Variants in BRWD1 observed in about 807,000 individuals in gnomAD.
The protein encoded by BRWD1 is bromodomain and WD repeat-containing protein 1.
A neutral mutation model predicts 251.2 loss-of-function variants in BRWD1; 82 were observed. That is an observed-to-expected ratio of 0.33 (90% CI 0.27 to 0.39). The LOEUF (loss-of-function observed/expected upper bound fraction) is 0.39, where lower values mean the gene tolerates loss of function less well. BRWD1 is among the 10% of genes least tolerant of loss of function. The pLI is 1.00. For synonymous variants in BRWD1, 918 were observed against 902.8 expected, an observed-to-expected ratio of 1.02 and a Z score of -0.30; for missense variants, 2,233 against 2,711.6, an observed-to-expected ratio of 0.82 and a Z score of 3.92.
chr21:39,250,822 T>C lies in BRWD1; in HGVS notation c.2323A>G (p.Arg775Gly). The stretch of plus-strand genomic sequence containing the variant: ...TTATGTGAGAGCTGAAGAGTCTTTC[T>C]TTTTCTTCCTATTATATAAAGATTT... ...ERNLYIIGRK[R>G]KTLQLSHKSD... is the part of the protein sequence containing the mutation. Residue 775 changes from arginine to glycine, a missense_variant, in exon 20 of 41, where the codon AGA becomes GGA. Physicochemically the swap from Arg to Gly is moderately radical, Grantham distance 125. Coordinates refer to ENST00000342449, the MANE Select transcript of BRWD1 (RefSeq NM_033656.4). 1 of 1,597,676 alleles carries C rather than the reference T, an allele frequency of 6.3e-7. No individual in the cohort carries two copies.
At chr21:39,289,133 G>A (rs143085454) in intron 8 of BRWD1, among the ~76,000 whole-genome samples, 4 of 152,200 alleles carry the variant, frequency 2.6e-5, no homozygotes, top group African/African-American at 9.6e-5. Context: ...TACTATCCCA[G>A]TATCATCTTA....
chr21:39,293,856 T>C lies in BRWD1; in HGVS notation c.786A>G (p.Pro262=). ...CTGTGTGTCCTTGGAGCACAGCAAC[T>C]GGGGCACAAGTTCTCAAGCACCACA... The part of the protein sequence containing the change: ...IRVWCLRTCA[P]VAVLQGHTGS... Residue 262 remains proline, a synonymous_variant, in exon 8 of 41, where the codon CCA becomes CCG. Transcript: ENST00000342449. The C allele has an allele frequency of 1.9e-6, 3 of 1,614,206 alleles. 1 individual carries two copies. The highest frequency in any genetic ancestry group is 2.2e-5 in the South Asian group (2 of 91,090).
At chr21:39,279,638 C>CAAAAAA (rs77282416) in intron 9 of BRWD1, among the ~76,000 whole-genome samples, 8 of 66,696 alleles carry the variant, frequency 1.2e-4, no homozygotes, top group East Asian at 8.2e-4. Context: ...GACTCCATCT[C>CAAAAAA]AAAAAAAAAA....
At chr21:39,314,258 G>A (rs2036641052), upstream of BRWD1, 1 of 455,592 alleles carries the variant, frequency 2.2e-6, no homozygotes, top group South Asian at 1.5e-5. Context: ...CGTTGCCGGA[G>A]CGTCTGCGGC....
intron 9 of BRWD1, 41 bp from the exon 10 acceptor site, chr21:39,278,854 ACCACATT>A: frequency 7.0e-7 from 1 of 1,431,192 alleles, no homozygotes; most frequent in Non-Finnish European, 9.6e-7. Flanking sequence ...AGATTATTTT[ACCACATT>A]AACACAGCTT....
chr21:39,229,970 C>T (rs575033756), intron 25 of BRWD1, among the ~76,000 whole-genome samples: 5 of 152,294 alleles, frequency 3.3e-5, no homozygotes, highest in African/African-American at 1.2e-4. Context: ...AACTCCTGGG[C>T]TCAAGTGATG....
intron 7 of BRWD1, among the ~76,000 whole-genome samples, chr21:39,294,793 T>C (rs1275075031): frequency 6.6e-6 from 1 of 152,112 alleles, no homozygotes; most frequent in Non-Finnish European, 1.5e-5. Flanking sequence ...GTGGTGGGAA[T>C]AGCCTCCTCA....
intron 37 of BRWD1, among the ~76,000 whole-genome samples, chr21:39,204,579 T>G (rs1188938559): frequency 1.3e-5 from 2 of 152,332 alleles, no homozygotes; most frequent in East Asian, 3.9e-4. Context: ...GGGTACATTT[T>G]CCCTTACACA....
At chr21:39,266,718 A>G (rs2034933528) in intron 15 of BRWD1, among the ~76,000 whole-genome samples, 1 of 152,232 alleles carries the variant, frequency 6.6e-6, no homozygotes, top group Non-Finnish European at 1.5e-5. Flanking sequence ...CTGGAGAAAA[A>G]TGTCACATTA....
In BRWD1 at chr21:39,193,008, A is replaced by G. The variant is rs767754413; in HGVS notation, c.*3251T>C. ...AGTGATAATTTTTACTTACGAGGTC[A>G]TAACGAGTGCAAAGGGCTTAGTGAT... is the stretch of plus-strand genomic sequence containing the variant. On this transcript the variant is annotated 3_prime_UTR_variant, in exon 41 of 41. Coordinates refer to ENST00000342449, the MANE Select transcript of BRWD1 (RefSeq NM_033656.4). 1.0e-5 allele frequency: 10 copies of G among 985,140 alleles called. No homozygotes were observed. The highest frequency in any genetic ancestry group is 4.7e-5 in the South Asian group (1 of 21,288). The allele number at this position is 985,140 out of a possible 1,614,324, so 61.0% of individuals were successfully genotyped here.
chr21:39,313,262 G>A lies in BRWD1; in HGVS notation c.87C>T (p.Gly29=), dbSNP rs756243215. ...TCACCTGGGCCGCTCTCCGACACGG[G>A]CCCGCCGATAGGTACCGGGCGATAA... ...YFLIARYLSA[G]PCRRAAQVLV... The change falls in exon 2 of 41, where the codon GGC becomes GGT. Residue 29 remains glycine (G), a synonymous_variant. Transcript: ENST00000342449. 14 of 1,546,434 alleles carry A rather than the reference G, an allele frequency of 9.1e-6. No homozygotes were observed. The highest frequency in any genetic ancestry group is 1.8e-5 in the Admixed American group (1 of 54,364).
chr21:39,187,001 T>C lies in BRWD1; in HGVS notation c.*9258A>G. On this transcript the variant is annotated 3_prime_UTR_variant, in exon 41 of 41. Transcript: ENST00000342449. ...TACTTGTGTACCAATTGTTTTCAGA[T>C]GCCACTTCTACATTCTCATAGTCAC... The C allele has an allele frequency of 1.3e-6, 2 of 1,522,568 alleles. No individual in the cohort carries two copies. The highest frequency in any genetic ancestry group is 1.8e-6 in the Non-Finnish European group (2 of 1,141,350). The allele number at this position is 1,522,568 out of a possible 1,614,324, so 94.3% of individuals were successfully genotyped here.
At position 39,198,838 on chromosome 21, in the gene BRWD1, A is replaced by C. The variant is rs1413764809; in HGVS notation, c.5578T>G (p.Ser1860Ala). 6.2e-7 allele frequency: 1 copy of C among 1,613,562 alleles called. No individual in the cohort carries two copies. Among genetic ancestry groups the C allele is most frequent in the Admixed American group, 1.7e-5 (1 of 59,936 alleles). Residue 1860 changes from serine to alanine, a missense_variant, in exon 40 of 41, where the codon TCC becomes GCC. Transcript: ENST00000342449. ...NCDPIAMSQC[S>A]SDHGCETDLD... ...TCAGTTTCACATCCATGATCTGAGGAACACTGGGACATAGCAATAGGGTCA... is the reference window on the plus strand; with the variant it reads ...TCAGTTTCACATCCATGATCTGAGGCACACTGGGACATAGCAATAGGGTCA...
At chr21:39,273,229 A>T (rs1478538192) in intron 13 of BRWD1, among the ~76,000 whole-genome samples, 1 of 152,212 alleles carries the variant, frequency 6.6e-6, no homozygotes, top group African/African-American at 2.4e-5. Context: ...CTGACTTTAA[A>T]TTATCTTCAC....
intron 36 of BRWD1, 88 bp from the exon 37 acceptor site, chr21:39,206,362 G>T (rs2032389175): frequency 8.9e-6 from 9 of 1,006,104 alleles, no homozygotes; most frequent in South Asian, 5.2e-5. Flanking sequence ...CCCTTGCAAT[G>T]TATTATATCA....
intron 21 of BRWD1, among the ~76,000 whole-genome samples, chr21:39,246,610 A>G (rs1251240550): frequency 3.9e-5 from 6 of 152,200 alleles, no homozygotes. Context: ...AACAATACAA[A>G]TGTCCATCAA....
intron 21 of BRWD1, among the ~76,000 whole-genome samples, chr21:39,239,592 A>G (rs925402998): frequency 6.6e-6 from 1 of 152,198 alleles, no homozygotes; most frequent in Non-Finnish European, 1.5e-5. Flanking sequence ...CTTAATGCCA[A>G]GTAGAGTGTC....
rs1261993984 is a variant in BRWD1, at chr21:39,191,408, G to GT, written c.*4850dup. The GT allele has an allele frequency of 4.1e-6, 4 of 984,918 alleles. No homozygotes were observed. The highest frequency in any genetic ancestry group is 3.5e-5 in the African/African-American group (2 of 57,148). 61.0% of individuals were successfully genotyped at this position (984,918 alleles called of 1,614,324 possible). On this transcript the variant is annotated 3_prime_UTR_variant, in exon 41 of 41. Coordinates refer to ENST00000342449, the MANE Select transcript of BRWD1 (RefSeq NM_033656.4). ...TTGGCTTGGAGTAGTGTTTTGTTTTGTTTTTTAACTCTTTTGCTTGTTAAG... is the reference window on the plus strand; with the variant it reads ...TTGGCTTGGAGTAGTGTTTTGTTTTGTTTTTTTAACTCTTTTGCTTGTTAAG...
intron 21 of BRWD1, among the ~76,000 whole-genome samples, chr21:39,241,393 A>C (rs2033986901): frequency 7.0e-6 from 1 of 143,744 alleles, no homozygotes; most frequent in Non-Finnish European, 1.5e-5. Context: ...GCTTGAACCC[A>C]GGAGGTGAAG....
Sources: gnomAD v4.1 joint callset for allele counts (sites outside exome capture counted in the v4.1 genomes callset) on GRCh38, gnomAD v4.1.1 for gene constraint, MANE v1.5 for transcripts, NCBI Gene and HGNC (gene_info 2026-07-23, HGNC 2026-07-21) for gene names.